The following FARS2 variants were observed in gnomAD, a reference collection of about 807,000 sequenced individuals.
The protein encoded by FARS2 is phenylalanyl-tRNA synthetase 2, mitochondrial.
A neutral mutation model predicts 46.4 loss-of-function variants in FARS2; 40 were observed. The ratio of observed to expected loss-of-function variants is 0.86; its 90% CI spans 0.67 to 1.12. The LOEUF is 1.12. Among genes scored for constraint, FARS2 ranks in the 50% most tolerant of loss-of-function variants. FARS2 has a pLI of 0.00. For missense variants in FARS2, 513 were observed against 567.9 expected (o/e 0.90, Z 0.98); for synonymous variants, 234 against 214.9 (o/e 1.09, Z -0.78).
intron 6 of FARS2, among the ~76,000 whole-genome samples, chr6:5,653,958 T>C (rs546296650): frequency 3.3e-5 from 5 of 152,306 alleles, no homozygotes; most frequent in South Asian, 2.1e-4. Context: ...TACGTAATGC[T>C]GGGCAGTCCT....
chr6:5,378,261 C>A (rs1219990695), intron 2 of FARS2, among the ~76,000 whole-genome samples: 2 of 152,148 alleles, frequency 1.3e-5, no homozygotes, highest in Non-Finnish European at 2.9e-5. Flanking sequence ...TGTCCTCAAA[C>A]CACTGTCCTC....
At chr6:5,539,423 G>A (rs1338014342) in intron 4 of FARS2, among the ~76,000 whole-genome samples, 8 of 103,792 alleles carry the variant, frequency 7.7e-5, no homozygotes, top group Non-Finnish European at 1.8e-5. Flanking sequence ...TAGTAGAGAC[G>A]GGGTTTCACC....
Position 5,638,435 on chromosome 6 carries a change from C to T in FARS2, c.1217+25115C>T, listed in dbSNP as rs572982557. On this transcript the variant is annotated intron_variant, in intron 6 of 6. Coordinates refer to ENST00000274680, the MANE Select transcript of FARS2 (RefSeq NM_006567.5). ...CAAAAATTAGCCGGATGTGGTGGCACGTGCCTGTAGTCCCAGCTACTTGGG... is the reference window on the plus strand; with the variant it reads ...CAAAAATTAGCCGGATGTGGTGGCATGTGCCTGTAGTCCCAGCTACTTGGG... Among the ~76,000 whole-genome samples, 7 of 152,244 alleles carry T rather than the reference C, an allele frequency of 4.6e-5. No individual in the cohort carries two copies. In the South Asian group the frequency reaches 1.2e-3, roughly 27 times the overall value.
chr6:5,645,297 G>A (rs1278407390), intron 6 of FARS2, among the ~76,000 whole-genome samples: 1 of 152,196 alleles, frequency 6.6e-6, no homozygotes, highest in Non-Finnish European at 1.5e-5. Context: ...GGAAAAATTT[G>A]GCCAAGGCTC....
At chr6:5,256,276 G>C (rs914307791), upstream of FARS2, among the ~76,000 whole-genome samples, 1 of 151,846 alleles carries the variant, frequency 6.6e-6, no homozygotes, top group African/African-American at 2.4e-5. Context: ...GATCACCTTA[G>C]GTCAGGAGTT....
At chr6:5,646,365 G>A (rs536379178) in intron 6 of FARS2, among the ~76,000 whole-genome samples, 2 of 152,210 alleles carry the variant, frequency 1.3e-5, no homozygotes, top group East Asian at 1.9e-4. Context: ...TGTGACCTTC[G>A]ACAGGTCACT....
In FARS2 at chr6:5,572,932, A is replaced by G. The variant is rs571752116; in HGVS notation, c.1065+27592A>G. Among the ~76,000 whole-genome samples, 13 of 152,306 alleles carry G rather than the reference A, an allele frequency of 8.5e-5. No homozygotes were observed. The East Asian group carries it at 2.3e-3, about 27-fold the overall frequency. On this transcript the variant is annotated intron_variant, in intron 5 of 6. Coordinates refer to ENST00000274680, the MANE Select transcript of FARS2 (RefSeq NM_006567.5). ...CATATCATGGTACTGTCTCATGTTA[A>G]TAGTTTAATGCTGTCTTGTTTCAAT...
the FARS2 span, among the ~76,000 whole-genome samples, chr6:5,252,540 T>C: frequency 2.0e-5 from 3 of 152,228 alleles, no homozygotes; most frequent in Admixed American, 1.3e-4. Context: ...TTCCATCGCA[T>C]GTCCACCTCT....
rs181388524 is a variant in FARS2 at position 5,296,291 on chromosome 6, A to G, written c.-22+34631A>G. ...TGAGTAGCTGGGACTGCAGGTGCCC[A>G]TCACCACGCCCAGCTAATTTTTTGT... On this transcript the variant is annotated intron_variant, in intron 1 of 6. Transcript: ENST00000274680. Among the ~76,000 whole-genome samples, 57 of 151,896 alleles carry G rather than the reference A, an allele frequency of 3.8e-4. 1 individual carries two copies. Among genetic ancestry groups the G allele is most frequent in the South Asian group, 1.0e-3 (5 of 4,788 alleles).
chr6:5,724,467 C>T (rs1017923621), intron 6 of FARS2, among the ~76,000 whole-genome samples: 2 of 152,210 alleles, frequency 1.3e-5, no homozygotes, highest in Admixed American at 6.5e-5. Flanking sequence ...GTGGCCAGAG[C>T]CAGCTCTGAG....
chr6:5,303,914 C>T (rs115899752), intron 1 of FARS2, among the ~76,000 whole-genome samples: 6,478 of 152,004 alleles, frequency 0.043, 464 homozygotes, highest in African/African-American at 0.15. Context: ...TGACCAAGTA[C>T]GCAACACCTC....
Position 5,728,264 on chromosome 6 carries a change from TGGGAATGGG to T in FARS2, c.1218-43026_1218-43018del, listed in dbSNP as rs1312574897. 1.5e-4 allele frequency among the ~76,000 whole-genome samples: 23 copies of T among 152,264 alleles called. 1 individual carries two copies. In the East Asian group the frequency reaches 4.1e-3, roughly 27 times the overall value. On this transcript the variant is annotated intron_variant, in intron 6 of 6. Transcript: ENST00000274680. The stretch of plus-strand genomic sequence containing the variant: ...GTTTGTTTCAAAATAGCCTAATAGC[TGGGAATGGG>T]CTGGTTTGGCTTGCTAATGTGCTTA...
In FARS2 at chr6:5,519,210, C is replaced by T. The variant is rs527408324; in HGVS notation, c.905-25970C>T. On this transcript the variant is annotated intron_variant, in intron 4 of 6. Coordinates refer to ENST00000274680, the MANE Select transcript of FARS2 (RefSeq NM_006567.5). ...AACCCAAAGGAAGGGTGTTGTTTCC[C>T]ATGTCAGAACAGAAACTTGCTGTAA... Among the ~76,000 whole-genome samples, 3 of 152,236 alleles carry T rather than the reference C, an allele frequency of 2.0e-5. No individual in the cohort carries two copies. The South Asian group carries it at 6.2e-4, about 32-fold the overall frequency.
chr6:5,664,399 T>C (rs762346548), intron 6 of FARS2, among the ~76,000 whole-genome samples: 1 of 152,184 alleles, frequency 6.6e-6, no homozygotes, highest in Non-Finnish European at 1.5e-5. Flanking sequence ...CCTGTCACCC[T>C]GGGAGCTGGC....
chr6:5,607,992 T>G (rs1228872295), intron 5 of FARS2, among the ~76,000 whole-genome samples: 1 of 152,056 alleles, frequency 6.6e-6, no homozygotes, highest in Admixed American at 6.5e-5. Context: ...TATTTTTTTT[T>G]TTTTTTTAGT....
At chr6:5,548,079 TGAA>T (rs1561704630) in intron 5 of FARS2, among the ~76,000 whole-genome samples, 2 of 152,246 alleles carry the variant, frequency 1.3e-5, no homozygotes, top group East Asian at 3.9e-4. Flanking sequence ...GAGAAAATGA[TGAA>T]GAAGCAAAAT....
intron 5 of FARS2, among the ~76,000 whole-genome samples, chr6:5,597,155 C>A (rs11969543): frequency 0.2 from 30,645 of 152,156 alleles, 3,259 homozygotes; most frequent in African/African-American, 0.25. Flanking sequence ...CTTCTTCTCC[C>A]TACTAAGTTT....
intron 4 of FARS2, among the ~76,000 whole-genome samples, chr6:5,515,218 G>A (rs958267084): frequency 2.0e-5 from 3 of 152,078 alleles, no homozygotes; most frequent in South Asian, 2.1e-4. Context: ...ATGTGACACC[G>A]CACTGCTACT....
chr6:5,408,761 C>G (rs1425571558), intron 3 of FARS2, among the ~76,000 whole-genome samples: 1 of 152,106 alleles, frequency 6.6e-6, no homozygotes, highest in African/African-American at 2.4e-5. Flanking sequence ...GAGCACATGA[C>G]GAAAGAGTAA....
Sources: allele counts gnomAD v4.1 joint callset (sites outside exome capture counted in the v4.1 genomes callset), GRCh38; gene constraint gnomAD v4.1.1; transcripts MANE v1.5; gene names NCBI Gene and HGNC (gene_info 2026-07-23, HGNC 2026-07-21).